ATG10: variants seen among roughly 807,000 people sequenced by gnomAD.
The protein encoded by ATG10 is ubiquitin-like-conjugating enzyme ATG10.
In ATG10, 30 loss-of-function variants were observed where a neutral mutation model predicts 32.1. The observed-to-expected ratio is 0.94, with a 90% CI of 0.70 to 1.27. The LOEUF (loss-of-function observed/expected upper bound fraction) is 1.27. Ranked by LOEUF, ATG10 falls within the 50% of genes most tolerant of loss-of-function variation. The pLI is 0.00. For missense variants in ATG10, 233 were observed against 262.3 expected, an observed-to-expected ratio of 0.89 and a Z score of 0.77; for synonymous variants, 87 against 91.5, an observed-to-expected ratio of 0.95 and a Z score of 0.28.
At chr5:82,092,200 T>C (rs962104578) in intron 3 of ATG10, among the ~76,000 whole-genome samples, 3 of 152,156 alleles carry the variant, frequency 2.0e-5, no homozygotes, top group Non-Finnish European at 2.9e-5. Context: ...GAAAGAATGG[T>C]TATTTATTAA....
intron 3 of ATG10, among the ~76,000 whole-genome samples, chr5:82,135,179 C>G (rs1344603717): frequency 6.6e-6 from 1 of 152,082 alleles, no homozygotes; most frequent in African/African-American, 2.4e-5. Context: ...AAACCATCTC[C>G]TGGATTCATT....
intron 5 of ATG10, among the ~76,000 whole-genome samples, chr5:82,207,857 T>G (rs1283777014): frequency 1.3e-5 from 2 of 152,202 alleles, no homozygotes; most frequent in Non-Finnish European, 2.9e-5. Flanking sequence ...AGGAGCTGGA[T>G]TTTTCATTTT....
In ATG10 at chr5:82,053,201, T is replaced by C. The variant is rs146968395; in HGVS notation, c.109-5294T>C. Among the ~76,000 whole-genome samples the C allele has an allele frequency of 1.2e-3, 177 of 152,328 alleles. 2 individuals are homozygous for C. The Middle Eastern group carries it at 0.017, about 15-fold the overall frequency. The stretch of plus-strand genomic sequence containing the variant: ...CCAATCTGATAGGTAAAAAATGTTA[T>C]CACAGTTTTTAATTTGCATTTTTCT... On this transcript the variant is annotated intron_variant, in intron 2 of 7. Coordinates refer to ENST00000282185, the MANE Select transcript of ATG10 (RefSeq NM_031482.5).
At chr5:82,207,785 C>T (rs2149973901) in intron 5 of ATG10, among the ~76,000 whole-genome samples, 1 of 152,170 alleles carries the variant, frequency 6.6e-6, no homozygotes, top group South Asian at 2.1e-4. Context: ...TTGCACTGCC[C>T]AATGCAGTGG....
At chr5:82,173,440 C>T (rs1022874582) in intron 4 of ATG10, among the ~76,000 whole-genome samples, 18 of 152,128 alleles carry the variant, frequency 1.2e-4, no homozygotes, top group African/African-American at 4.1e-4. Context: ...CTATTTTTCA[C>T]CTAATGTCTC....
chr5:82,086,995 C>G (rs1252378039), intron 3 of ATG10, among the ~76,000 whole-genome samples: 3 of 152,072 alleles, frequency 2.0e-5, no homozygotes, highest in Non-Finnish European at 1.5e-5. Flanking sequence ...AGAAAAATGT[C>G]TTTTCAAAAT....
At chr5:82,021,142 C>T (rs991661879) in intron 2 of ATG10, among the ~76,000 whole-genome samples, 1 of 151,980 alleles carries the variant, frequency 6.6e-6, no homozygotes, top group Non-Finnish European at 1.5e-5. Flanking sequence ...TATATATAAT[C>T]TCCACAATAA....
intron 1 of ATG10, among the ~76,000 whole-genome samples, chr5:81,984,272 C>A (rs1270401947): frequency 6.6e-6 from 1 of 152,364 alleles, no homozygotes; most frequent in African/African-American, 2.4e-5. Flanking sequence ...CAAAAAAATA[C>A]GAAAACCAGT....
chr5:81,983,583 C>T (rs1161355509), intron 1 of ATG10, among the ~76,000 whole-genome samples: 2 of 142,004 alleles, frequency 1.4e-5, no homozygotes, highest in Admixed American at 6.9e-5. Flanking sequence ...CCAGTAGGGG[C>T]GGCCGGGCAG....
At chr5:82,228,926 A>G (rs1023009038) in intron 5 of ATG10, among the ~76,000 whole-genome samples, 1 of 152,234 alleles carries the variant, frequency 6.6e-6, no homozygotes, top group Admixed American at 6.5e-5. Flanking sequence ...TACCTTCCTT[A>G]TCAAGTTGAG....
intron 2 of ATG10, among the ~76,000 whole-genome samples, chr5:82,049,121 C>T (rs1438388344): frequency 1.2e-4 from 18 of 151,616 alleles, no homozygotes; most frequent in African/African-American, 4.1e-4. Flanking sequence ...CGGCATTATT[C>T]ACAATAGCAA....
intron 4 of ATG10, among the ~76,000 whole-genome samples, chr5:82,168,974 C>T (rs1423097893): frequency 6.6e-6 from 1 of 152,024 alleles, no homozygotes; most frequent in Non-Finnish European, 1.5e-5. Flanking sequence ...AGGACAGCCA[C>T]AGGTTGGGTT....
At chr5:82,097,992 C>A (rs1581687305) in intron 3 of ATG10, among the ~76,000 whole-genome samples, 1 of 152,112 alleles carries the variant, frequency 6.6e-6, no homozygotes, top group South Asian at 2.1e-4. Flanking sequence ...ATCTTGTTTC[C>A]CCCTGTGACG....
rs780028339 is a variant in ATG10, at chr5:82,178,605, T to C, written c.453+18T>C. The C allele has an allele frequency of 5.4e-6, 8 of 1,468,280 alleles. No individual in the cohort carries two copies. Among genetic ancestry groups the C allele is most frequent in the Non-Finnish European group, 6.7e-6 (7 of 1,047,908 alleles). The allele number at this position is 1,468,280 out of a possible 1,614,324, so 91.0% of individuals were successfully genotyped here. On this transcript the variant is annotated intron_variant, in intron 5 of 7. Coordinates refer to ENST00000282185, the MANE Select transcript of ATG10 (RefSeq NM_031482.5). ...CGCAACAGGTTGGAGAGTATTGTCA[T>C]TTTATTGTATGCATGTTATTGTATT... is the stretch of plus-strand genomic sequence containing the variant.
intron 2 of ATG10, among the ~76,000 whole-genome samples, chr5:82,057,727 A>G (rs1266251415): frequency 2.0e-5 from 3 of 152,186 alleles, no homozygotes; most frequent in African/African-American, 7.2e-5. Context: ...ACTGGCCACA[A>G]TTAGATGAAC....
intron 2 of ATG10, among the ~76,000 whole-genome samples, chr5:82,037,233 A>ATT (rs1762953183): frequency 1.3e-4 from 7 of 53,720 alleles, no homozygotes; most frequent in South Asian, 5.4e-4. Context: ...GATCTCATTT[A>ATT]CTTTTTTTTT....
At chr5:82,037,239 T>TATGTCTAA (rs1561266875) in intron 2 of ATG10, among the ~76,000 whole-genome samples, 1 of 43,816 alleles carries the variant, frequency 2.3e-5, no homozygotes. Flanking sequence ...ATTTACTTTT[T>TATGTCTAA]TTTTTTTTTT....
intron 5 of ATG10, among the ~76,000 whole-genome samples, chr5:82,208,347 A>T (rs1745376993): frequency 6.6e-6 from 1 of 151,810 alleles, no homozygotes; most frequent in South Asian, 2.1e-4. Context: ...TAATACCGGG[A>T]CTTTGGTATT....
intron 5 of ATG10, among the ~76,000 whole-genome samples, chr5:82,252,250 T>C (rs1236104114): frequency 6.6e-6 from 1 of 152,172 alleles, no homozygotes; most frequent in Non-Finnish European, 1.5e-5. Context: ...AGAATAATGA[T>C]AGGCCAAAGA....
Sources: allele counts gnomAD v4.1 joint callset (sites outside exome capture counted in the v4.1 genomes callset), GRCh38; gene constraint gnomAD v4.1.1; transcripts MANE v1.5; gene names NCBI Gene and HGNC (gene_info 2026-07-23, HGNC 2026-07-21).